Variants in STK39 observed in about 807,000 individuals in gnomAD.
STK39 encodes serine/threonine kinase 39.
In STK39, 20 loss-of-function variants were observed where a neutral mutation model predicts 77.8. That is an observed-to-expected ratio of 0.26 (90% CI 0.18 to 0.37). STK39 has a LOEUF of 0.37. STK39 is among the 10% of genes least tolerant of loss of function. The pLI, the probability that STK39 is intolerant of heterozygous loss-of-function variation, is 1.00. For missense variants in STK39, 479 were observed against 656.5 expected, an observed-to-expected ratio of 0.73 and a Z score of 2.95; for synonymous variants, 246 against 234.1, an observed-to-expected ratio of 1.05 and a Z score of -0.47.
chr2:168,184,219 A>G (rs1211909238), intron 1 of STK39, among the ~76,000 whole-genome samples: 1 of 152,248 alleles, frequency 6.6e-6, no homozygotes, highest in Non-Finnish European at 1.5e-5. Context: ...CCTCCAAGGA[A>G]CAAAAAATAA....
chr2:168,107,928 G>T (rs1161766538), intron 10 of STK39, among the ~76,000 whole-genome samples: 1 of 152,128 alleles, frequency 6.6e-6, no homozygotes, highest in Non-Finnish European at 1.5e-5. Flanking sequence ...CATTTACCGA[G>T]GAATCCAGTT....
At position 168,012,634 on chromosome 2, in the gene STK39, C is replaced by T; in HGVS notation, c.1498G>A (p.Val500Met). 6.2e-7 allele frequency: 1 copy of T among 1,613,280 alleles called. No individual in the cohort carries two copies. Among genetic ancestry groups the T allele is most frequent in the South Asian group, 1.1e-5 (1 of 90,974 alleles). ...GLVDGHDVVIVAANLQKIVDD... is the reference protein window; with the variant it reads ...GLVDGHDVVIMAANLQKIVDD... Reference sequence around the variant, plus strand: ...CAGTGCATACTAAAAAACAATTTACCTATAACTACATCGTGACCATCCACC... The same window carrying T: ...CAGTGCATACTAAAAAACAATTTACTTATAACTACATCGTGACCATCCACC... Residue 500 changes from valine (V) to methionine (M), a missense_variant and splice_region_variant, in exon 16 of 18, where the codon GTG becomes ATG. Physicochemically the swap from Val to Met is conservative, Grantham distance 21. Around this residue, in one of 3 missense-constraint regions of STK39, gnomAD observed 244 missense variants for 296.8 expected, o/e 0.82. Coordinates refer to ENST00000355999, the MANE Select transcript of STK39 (RefSeq NM_013233.3).
intron 10 of STK39, among the ~76,000 whole-genome samples, chr2:168,097,744 A>T (rs6737861): frequency 4.0e-5 from 6 of 151,742 alleles, no homozygotes; most frequent in Admixed American, 2.6e-4. Context: ...AAAAACAAAA[A>T]AAAAAAAAAG....
In STK39 at chr2:168,247,544, C is replaced by CCCACCGCCG; in HGVS notation, c.-110_-109insCGGCGGTGG. The CCCACCGCCG allele has an allele frequency of 4.2e-6, 2 of 478,040 alleles. No individual in the cohort carries two copies. The highest frequency in any genetic ancestry group is 5.7e-6 in the Non-Finnish European group (2 of 348,370). 29.6% of individuals were successfully genotyped at this position (478,040 alleles called of 1,614,324 possible). Reference sequence around the variant, plus strand: ...TCTCGGCCGGCGCACGCCCTCCCCGCCCGCCGCCGCCGCCGCCGTCCCCGC... The same window carrying CCCACCGCCG: ...TCTCGGCCGGCGCACGCCCTCCCCGCCCACCGCCGCCGCCGCCGCCGCCGCCGTCCCCGC... On this transcript the variant is annotated 5_prime_UTR_variant, in exon 1 of 18. Transcript: ENST00000355999.
intron 1 of STK39, among the ~76,000 whole-genome samples, chr2:168,211,955 A>G (rs1206507333): frequency 2.0e-5 from 3 of 152,246 alleles, no homozygotes; most frequent in Non-Finnish European, 2.9e-5. Flanking sequence ...CCACTCTGTC[A>G]CAGTTACTTT....
At chr2:167,956,206 A>G (rs1466205492) in intron 17 of STK39, among the ~76,000 whole-genome samples, 1 of 152,202 alleles carries the variant, frequency 6.6e-6, no homozygotes, top group Non-Finnish European at 1.5e-5. Context: ...ATTGGCAAAA[A>G]TTATGGTGTG....
intron 1 of STK39, among the ~76,000 whole-genome samples, chr2:168,239,690 C>T (rs2105277385): frequency 6.6e-6 from 1 of 152,318 alleles, no homozygotes; most frequent in East Asian, 1.9e-4. Context: ...AGAACTTCAT[C>T]CAGAAAACAT....
chr2:167,968,771 G>C lies in STK39; in HGVS notation c.1499-4045C>G, dbSNP rs556347329. ...TAAGGAGAAAAGGAGATGGTACGAGGGTAGGTTTCTTATGGATACTGCTAG... is the reference window on the plus strand; with the variant it reads ...TAAGGAGAAAAGGAGATGGTACGAGCGTAGGTTTCTTATGGATACTGCTAG... On this transcript the variant is annotated intron_variant, in intron 16 of 17. Transcript: ENST00000355999. Among the ~76,000 whole-genome samples the C allele has an allele frequency of 9.2e-5, 14 of 152,134 alleles. No individual in the cohort carries two copies. The South Asian group carries it at 2.3e-3, about 25-fold the overall frequency.
intron 15 of STK39, among the ~76,000 whole-genome samples, chr2:168,013,928 T>C (rs1462176146): frequency 6.6e-6 from 1 of 152,070 alleles, no homozygotes; most frequent in Non-Finnish European, 1.5e-5. Flanking sequence ...TTGCCCAGTG[T>C]CTGACACATA....
intron 16 of STK39, among the ~76,000 whole-genome samples, chr2:167,970,093 C>T (rs1326746086): frequency 6.6e-6 from 1 of 152,036 alleles, no homozygotes; most frequent in Non-Finnish European, 1.5e-5. Context: ...TCCATGACTG[C>T]CTCCCTCCCT....
At chr2:168,005,181 T>C (rs1026372205) in intron 16 of STK39, among the ~76,000 whole-genome samples, 1 of 151,908 alleles carries the variant, frequency 6.6e-6, no homozygotes, top group Non-Finnish European at 1.5e-5. Context: ...AATTTTTGTA[T>C]TTTCAGTAGA....
intron 8 of STK39, 117 bp downstream of exon 8, chr2:168,137,971 G>C (rs962867947): frequency 1.0e-5 from 14 of 1,387,750 alleles, no homozygotes; most frequent in Non-Finnish European, 1.2e-5. Context: ...ACCACAGCAG[G>C]GTTTCCCAGA....
At chr2:168,225,745 G>A (rs957255148) in intron 1 of STK39, among the ~76,000 whole-genome samples, 3 of 152,120 alleles carry the variant, frequency 2.0e-5, no homozygotes, top group East Asian at 1.9e-4. Flanking sequence ...GTGACATGTC[G>A]TCTCTGTCTC....
intron 16 of STK39, among the ~76,000 whole-genome samples, chr2:167,988,031 C>T (rs1683604529): frequency 6.6e-6 from 1 of 152,180 alleles, no homozygotes; most frequent in Non-Finnish European, 1.5e-5. Context: ...GTTCAACTCA[C>T]ACAGCTTGGG....
intron 10 of STK39, among the ~76,000 whole-genome samples, chr2:168,113,339 A>T (rs186877708): frequency 4.5e-4 from 68 of 152,330 alleles, no homozygotes; most frequent in Non-Finnish European, 9.0e-4. Flanking sequence ...CCTATCAAAC[A>T]ATACCAAAAG....
chr2:167,964,959 T>G (rs3213942), intron 16 of STK39, among the ~76,000 whole-genome samples: 1 of 152,198 alleles, frequency 6.6e-6, no homozygotes, highest in Admixed American at 6.5e-5. Flanking sequence ...AATCACTGTA[T>G]GTCAACTCTG....
chr2:167,967,001 C>T (rs907145534), intron 16 of STK39, among the ~76,000 whole-genome samples: 4 of 152,052 alleles, frequency 2.6e-5, no homozygotes, highest in African/African-American at 7.2e-5. Flanking sequence ...TGACTGTGCA[C>T]CTGGATTTCA....
intron 10 of STK39, among the ~76,000 whole-genome samples, chr2:168,104,064 G>A (rs1686906308): frequency 6.6e-6 from 1 of 152,084 alleles, no homozygotes; most frequent in Non-Finnish European, 1.5e-5. Flanking sequence ...GAAAAGCAAG[G>A]TACCCAATAG....
intron 1 of STK39, among the ~76,000 whole-genome samples, chr2:168,203,673 A>G (rs1184891335): frequency 1.3e-5 from 2 of 152,142 alleles, no homozygotes; most frequent in African/African-American, 4.8e-5. Context: ...GCTCTCTGCA[A>G]CCTCCGCCTC....
Sources: allele counts gnomAD v4.1 joint callset (sites outside exome capture counted in the v4.1 genomes callset), GRCh38; gene constraint gnomAD v4.1.1; regional missense constraint gnomAD v4.1.1; transcripts MANE v1.5; gene names NCBI Gene and HGNC (gene_info 2026-07-23, HGNC 2026-07-21).